The following MEF2C variants were observed in gnomAD, a reference collection of about 807,000 sequenced individuals.
MEF2C encodes the protein myocyte enhancer factor 2C.
In MEF2C, 6 loss-of-function variants were observed where a neutral mutation model predicts 50.5. The ratio of observed to expected loss-of-function variants is 0.12; its 90% CI spans 0.07 to 0.23. The LOEUF (loss-of-function observed/expected upper bound fraction) is 0.23, where lower values mean the gene tolerates loss of function less well. Ranked by LOEUF, MEF2C falls within the 10% of genes least tolerant of loss-of-function variation. The pLI is 1.00. For synonymous variants in MEF2C, 183 were observed against 228.0 expected, an observed-to-expected ratio of 0.80 and a Z score of 1.78; for missense variants, 276 against 605.0, an observed-to-expected ratio of 0.46 and a Z score of 5.70.
At chr5:88,733,216 T>G (rs527612228) in intron 6 of MEF2C, 1 of 985,186 alleles carries the variant, frequency 1.0e-6, no homozygotes, top group Non-Finnish European at 1.2e-6. Context: ...GAAGATATGT[T>G]AGGCTTGTGA....
At chr5:88,778,901 G>A (rs576999684) in intron 3 of MEF2C, among the ~76,000 whole-genome samples, 13 of 152,302 alleles carry the variant, frequency 8.5e-5, no homozygotes, top group African/African-American at 3.1e-4. Flanking sequence ...GCCTGGGGTA[G>A]GGCTGGCAGG....
intron 1 of MEF2C, among the ~76,000 whole-genome samples, chr5:88,849,829 G>C (rs1820640238): frequency 6.6e-6 from 1 of 151,942 alleles, no homozygotes; most frequent in Non-Finnish European, 1.5e-5. Context: ...ATGACTTTAG[G>C]GTAGCTTGTA....
intron 1 of MEF2C, among the ~76,000 whole-genome samples, chr5:88,834,523 C>A (rs1814295767): frequency 6.6e-6 from 1 of 152,054 alleles, no homozygotes; most frequent in Non-Finnish European, 1.5e-5. Context: ...GGAAAAAGGG[C>A]AACACACAAG....
intron 3 of MEF2C, chr5:88,766,882 C>A (rs909998525): frequency 1.1e-6 from 1 of 930,606 alleles, no homozygotes; most frequent in Non-Finnish European, 1.3e-6. Context: ...TTCCTCTGAT[C>A]CTGAATCATT....
intron 1 of MEF2C, among the ~76,000 whole-genome samples, chr5:88,867,845 C>T (rs1046212713): frequency 1.9e-4 from 29 of 152,270 alleles, no homozygotes; most frequent in African/African-American, 7.0e-4. Flanking sequence ...AAAAAGGATA[C>T]AACTGTCTTT....
At chr5:88,758,389 G>A (rs897427841) in intron 4 of MEF2C, among the ~76,000 whole-genome samples, 7 of 152,178 alleles carry the variant, frequency 4.6e-5, no homozygotes, top group African/African-American at 1.7e-4. Flanking sequence ...GGCGAACCCA[G>A]CATGAGGAAA....
intron 1 of MEF2C, among the ~76,000 whole-genome samples, chr5:88,861,151 TG>T (rs1825368879): frequency 6.6e-6 from 1 of 152,254 alleles, no homozygotes; most frequent in Non-Finnish European, 1.5e-5. Flanking sequence ...ACCAATGTTC[TG>T]CATTTGCTTC....
At chr5:88,861,453 C>T (rs1825481169) in intron 1 of MEF2C, among the ~76,000 whole-genome samples, 1 of 152,178 alleles carries the variant, frequency 6.6e-6, no homozygotes, top group African/African-American at 2.4e-5. Flanking sequence ...GCATTATCTC[C>T]CTTGGATGTG....
intron 3 of MEF2C, among the ~76,000 whole-genome samples, chr5:88,797,308 C>G (rs1796390049): frequency 6.6e-6 from 1 of 151,992 alleles, no homozygotes; most frequent in South Asian, 2.1e-4. Context: ...TCTGGGTGCT[C>G]CTGTATTGGG....
At chr5:88,730,716 G>GT (rs1309912487) in intron 7 of MEF2C, among the ~76,000 whole-genome samples, 1 of 152,110 alleles carries the variant, frequency 6.6e-6, no homozygotes, top group Non-Finnish European at 1.5e-5. Flanking sequence ...ATTAGACCCA[G>GT]TTTTTTTCTG....
intron 1 of MEF2C, among the ~76,000 whole-genome samples, chr5:88,893,345 C>G (rs1026171800): frequency 1.4e-5 from 2 of 146,274 alleles, no homozygotes; most frequent in African/African-American, 5.0e-5. Flanking sequence ...GAGTCTTGCT[C>G]TGTTGCCCAG....
In MEF2C at chr5:88,717,328, G is replaced by A. The variant is rs1483508841; in HGVS notation, c.*5276C>T. 6.6e-6 allele frequency: 1 copy of A among 152,238 alleles called. No homozygotes were observed. The highest frequency in any genetic ancestry group is 1.5e-5 in the Non-Finnish European group (1 of 68,088). The allele number at this position is 152,238 out of a possible 1,614,324, so 9.4% of individuals were successfully genotyped here. A position where few individuals can be genotyped will look rare whatever the true frequency, so the allele number is the denominator to read the frequency against. The stretch of plus-strand genomic sequence containing the variant: ...GCTGGGTGGATGAGGAAGTGTCCAT[G>A]CTCTGAGCCTCTGGTCTGCTCTGCC... On this transcript the variant is annotated 3_prime_UTR_variant, in exon 11 of 11. Transcript: ENST00000504921.
intron 4 of MEF2C, among the ~76,000 whole-genome samples, chr5:88,757,428 T>C (rs905427250): frequency 7.9e-5 from 12 of 151,824 alleles, no homozygotes; most frequent in African/African-American, 2.7e-4. Flanking sequence ...AAAAAAAAAA[T>C]CATACAACTC....
chr5:88,751,787 G>C, intron 5 of MEF2C, 70 bp downstream of exon 5: 1 of 1,474,904 alleles, frequency 6.8e-7, no homozygotes, highest in Non-Finnish European at 9.4e-7. Flanking sequence ...CGTAGATAAA[G>C]CAGTGTTGGC....
chr5:88,843,892 C>T (rs113442660), intron 1 of MEF2C, among the ~76,000 whole-genome samples: 5,828 of 151,556 alleles, frequency 0.038, 124 homozygotes, highest in Non-Finnish European at 0.041. Context: ...TCACCGCAAC[C>T]TCTGCCTCCT....
chr5:88,858,183 A>G (rs1172055367), intron 1 of MEF2C, among the ~76,000 whole-genome samples: 2 of 152,168 alleles, frequency 1.3e-5, no homozygotes, highest in Admixed American at 6.5e-5. Context: ...CCTTGCAAAA[A>G]CAGGATCTCC....
intron 1 of MEF2C, among the ~76,000 whole-genome samples, chr5:88,874,078 C>T (rs900960076): frequency 1.3e-5 from 2 of 151,754 alleles, no homozygotes; most frequent in Admixed American, 6.6e-5. Flanking sequence ...GATGAAAATC[C>T]GGTACCTTAA....
upstream of MEF2C, among the ~76,000 whole-genome samples, chr5:88,887,162 T>C (rs1834113012): frequency 6.6e-6 from 1 of 152,192 alleles, no homozygotes; most frequent in African/African-American, 2.4e-5. Flanking sequence ...TAAGTGAACA[T>C]GGTGGTTTAG....
intron 1 of MEF2C, among the ~76,000 whole-genome samples, chr5:88,846,178 C>T (rs1819279170): frequency 6.6e-6 from 1 of 151,906 alleles, no homozygotes; most frequent in Non-Finnish European, 1.5e-5. Flanking sequence ...TGCGATTCTC[C>T]TTGCCTTAGC....
Sources: allele counts gnomAD v4.1 joint callset (sites outside exome capture counted in the v4.1 genomes callset), GRCh38; gene constraint gnomAD v4.1.1; transcripts MANE v1.5; gene names NCBI Gene and HGNC (gene_info 2026-07-23, HGNC 2026-07-21).